CACNA1C: variants seen among roughly 807,000 people sequenced by gnomAD.
CACNA1C encodes the protein calcium voltage-gated channel subunit alpha1 C.
CACNA1C carries 30 observed loss-of-function variants against 229.0 expected under a neutral mutation model. That is an observed-to-expected ratio of 0.13 (90% CI 0.10 to 0.18). CACNA1C has a LOEUF of 0.18. Ranked by LOEUF, CACNA1C falls within the 10% of genes least tolerant of loss-of-function variation. The pLI is 1.00. For missense variants in CACNA1C, 1,658 were observed against 2,845.0 expected, an observed-to-expected ratio of 0.58 and a Z score of 9.49; for synonymous variants, 1,114 against 1,132.5, an observed-to-expected ratio of 0.98 and a Z score of 0.33.
intron 3 of CACNA1C, among the ~76,000 whole-genome samples, chr12:2,185,862 T>G (rs1199136696): frequency 6.6e-6 from 1 of 152,184 alleles, no homozygotes; most frequent in Non-Finnish European, 1.5e-5. Flanking sequence ...CTTTGCCCGG[T>G]GGGCTCCAGC....
At chr12:1,976,752 T>C (rs941647597) in intron 1 of CACNA1C, among the ~76,000 whole-genome samples, 2 of 151,160 alleles carry the variant, frequency 1.3e-5, no homozygotes, top group Non-Finnish European at 2.9e-5. Context: ...CATGTATATA[T>C]GCAAATTTTG....
chr12:2,272,319 C>G (rs1355957999), intron 3 of CACNA1C, among the ~76,000 whole-genome samples: 1 of 152,176 alleles, frequency 6.6e-6, no homozygotes, highest in Non-Finnish European at 1.5e-5. Flanking sequence ...CAAAGCCTAT[C>G]CATTCTTCGA....
At chr12:2,387,536 CGAAAGAAA>C (rs145897152) in intron 3 of CACNA1C, among the ~76,000 whole-genome samples, 76 of 150,328 alleles carry the variant, frequency 5.1e-4, no homozygotes, top group East Asian at 4.9e-3. Context: ...GAACTAAGAG[CGAAAGAAA>C]GAAAGAAAGA....
intron 2 of CACNA1C, among the ~76,000 whole-genome samples, chr12:2,119,946 C>G (rs549323294): frequency 3.3e-5 from 5 of 152,380 alleles, no homozygotes; most frequent in Non-Finnish European, 5.9e-5. Flanking sequence ...GCCCACAGGC[C>G]GTTCGGCATA....
chr12:2,351,859 G>A (rs907969181), intron 3 of CACNA1C, among the ~76,000 whole-genome samples: 2 of 152,134 alleles, frequency 1.3e-5, no homozygotes, highest in African/African-American at 4.8e-5. Flanking sequence ...CCGTGGGTCT[G>A]GAAATTACCC....
chr12:2,222,956 C>A (rs1170802365), intron 3 of CACNA1C, among the ~76,000 whole-genome samples: 1 of 152,134 alleles, frequency 6.6e-6, no homozygotes, highest in Admixed American at 6.5e-5. Flanking sequence ...AATGCACTAC[C>A]TCTCCATTTA....
At chr12:2,255,246 G>A (rs1365753198) in intron 3 of CACNA1C, among the ~76,000 whole-genome samples, 1 of 151,252 alleles carries the variant, frequency 6.6e-6, no homozygotes, top group African/African-American at 2.4e-5. Flanking sequence ...CACGGTTATG[G>A]GATGCTCAGC....
At chr12:1,973,154 C>T (rs2154459051) in intron 1 of CACNA1C, among the ~76,000 whole-genome samples, 1 of 152,354 alleles carries the variant, frequency 6.6e-6, no homozygotes, top group Non-Finnish European at 1.5e-5. Flanking sequence ...AAAATCTTCA[C>T]TGGCCACTGA....
intron 3 of CACNA1C, among the ~76,000 whole-genome samples, chr12:2,244,387 CAGGGAAGGTCCTA>C (rs2072076759): frequency 6.6e-6 from 1 of 152,220 alleles, no homozygotes; most frequent in African/African-American, 2.4e-5. Context: ...TATCACTAGG[CAGGGAAGGTCCTA>C]AGGGAAGGTG....
At chr12:2,411,450 A>G (rs1313262156) in intron 3 of CACNA1C, among the ~76,000 whole-genome samples, 3 of 152,128 alleles carry the variant, frequency 2.0e-5, no homozygotes, top group African/African-American at 2.4e-5. Context: ...ACCACTAACA[A>G]CAACTACAGA....
intron 3 of CACNA1C, among the ~76,000 whole-genome samples, chr12:2,406,573 T>C (rs2098739639): frequency 6.6e-6 from 1 of 152,262 alleles, no homozygotes; most frequent in South Asian, 2.1e-4. Context: ...ATTTCATTTA[T>C]TGTTCTTTTT....
At chr12:2,358,153 C>T (rs1406144545) in intron 3 of CACNA1C, among the ~76,000 whole-genome samples, 1 of 151,948 alleles carries the variant, frequency 6.6e-6, no homozygotes, top group African/African-American at 2.4e-5. Flanking sequence ...AATGCCTGAC[C>T]TCAGCATAGG....
At chr12:2,199,097 CT>C (rs1467234260) in intron 3 of CACNA1C, among the ~76,000 whole-genome samples, 5 of 152,170 alleles carry the variant, frequency 3.3e-5, no homozygotes, top group East Asian at 1.9e-4. Context: ...GTGAATCCCC[CT>C]GATCTCTGTC....
intron 2 of CACNA1C, among the ~76,000 whole-genome samples, chr12:2,117,537 A>G (rs1371800408): frequency 4.6e-5 from 7 of 152,214 alleles, no homozygotes; most frequent in Admixed American, 1.3e-4. Flanking sequence ...GAGAAGACAA[A>G]GGGCTTGCCC....
intron 3 of CACNA1C, among the ~76,000 whole-genome samples, chr12:2,241,504 C>G (rs1199026940): frequency 6.6e-6 from 1 of 152,156 alleles, no homozygotes; most frequent in African/African-American, 2.4e-5. Flanking sequence ...CCTGGCCAAG[C>G]AGGTGGGGGA....
intron 3 of CACNA1C, among the ~76,000 whole-genome samples, chr12:2,420,447 G>C (rs1400029346): frequency 1.3e-5 from 2 of 152,176 alleles, no homozygotes; most frequent in East Asian, 1.9e-4. Context: ...TTGTCTCAGA[G>C]CTGTGTCCTC....
chr12:2,199,373 C>T (rs576166902), intron 3 of CACNA1C, among the ~76,000 whole-genome samples: 5 of 152,188 alleles, frequency 3.3e-5, no homozygotes, highest in African/African-American at 7.2e-5. Context: ...AATGTGAAGA[C>T]GATGAGGGTG....
intron 3 of CACNA1C, among the ~76,000 whole-genome samples, chr12:2,318,045 G>A (rs1192070747): frequency 6.6e-6 from 1 of 152,222 alleles, no homozygotes; most frequent in Non-Finnish European, 1.5e-5. Context: ...GCGAGCCGAG[G>A]GTCCAGGACA....
At chr12:2,050,073 G>A (rs535594047), upstream of CACNA1C, among the ~76,000 whole-genome samples, 3 of 152,290 alleles carry the variant, frequency 2.0e-5, no homozygotes, top group Non-Finnish European at 4.4e-5. Flanking sequence ...AATCCTGCAC[G>A]TGACCCCCTA....
Sources: allele counts gnomAD v4.1 joint callset (sites outside exome capture counted in the v4.1 genomes callset), GRCh38; gene constraint gnomAD v4.1.1; transcripts MANE v1.5; gene names NCBI Gene and HGNC (gene_info 2026-07-23, HGNC 2026-07-21).